FAM193A: variants seen among roughly 807,000 people sequenced by gnomAD.
FAM193A encodes family with sequence similarity 193 member A, also known as protein FAM193A.
A neutral mutation model predicts 126.5 loss-of-function variants in FAM193A; 22 were observed. The observed-to-expected ratio is 0.17, with a 90% CI of 0.12 to 0.25. FAM193A has a LOEUF of 0.25. FAM193A is among the 10% of genes least tolerant of loss of function. The pLI, the probability that FAM193A is intolerant of heterozygous loss-of-function variation, is 1.00. For missense variants in FAM193A, 1,675 were observed against 1,672.8 expected (o/e 1.00, Z -0.02); for synonymous variants, 761 against 646.8 (o/e 1.18, Z -2.68).
At chr4:2,664,108 G>A (rs1712808707) in intron 12 of FAM193A, among the ~76,000 whole-genome samples, 1 of 152,168 alleles carries the variant, frequency 6.6e-6, no homozygotes, top group African/African-American at 2.4e-5. Context: ...AGGTCTATCT[G>A]GGAAGTCTGA....
At chr4:2,710,467 C>G (rs1193675007) in intron 19 of FAM193A, among the ~76,000 whole-genome samples, 1 of 151,638 alleles carries the variant, frequency 6.6e-6, no homozygotes, top group East Asian at 1.9e-4. Context: ...GCCACTGTGC[C>G]TAGCTTACTG....
At chr4:2,566,175 G>A (rs532009547) in intron 1 of FAM193A, among the ~76,000 whole-genome samples, 16 of 152,066 alleles carry the variant, frequency 1.1e-4, no homozygotes, top group African/African-American at 3.9e-4. Context: ...AACCTGACGA[G>A]TAGCTGGGAC....
chr4:2,694,928 T>C lies in FAM193A; in HGVS notation c.3093-18T>C. 2 of 1,572,780 alleles carry C rather than the reference T, an allele frequency of 1.3e-6. No homozygotes were observed. Among genetic ancestry groups the C allele is most frequent in the African/African-American group, 2.7e-5 (2 of 73,422 alleles). On this transcript the variant is annotated intron_variant, in intron 16 of 20. Transcript: ENST00000637812. ...CCGGGCCGGCCACTTGCTGATGAGC[T>C]TGTATGCGGTTTTGCAGTGACCCTG...
At chr4:2,697,803 G>A (rs933768613) in intron 18 of FAM193A, among the ~76,000 whole-genome samples, 1 of 152,214 alleles carries the variant, frequency 6.6e-6, no homozygotes, top group African/African-American at 2.4e-5. Flanking sequence ...GACTGCTGGA[G>A]TGCAGAGAAC....
At chr4:2,675,663 T>A (rs114467146) in intron 13 of FAM193A, among the ~76,000 whole-genome samples, 32 of 152,348 alleles carry the variant, frequency 2.1e-4, no homozygotes, top group Non-Finnish European at 4.1e-4. Context: ...AACATAAAAT[T>A]TACAATCTTA....
chr4:2,641,036 G>A (rs901447052), intron 6 of FAM193A, among the ~76,000 whole-genome samples: 1 of 151,902 alleles, frequency 6.6e-6, no homozygotes, highest in African/African-American at 2.4e-5. Context: ...ACCAGTTATT[G>A]CTATTTTATT....
intron 12 of FAM193A, among the ~76,000 whole-genome samples, chr4:2,664,077 G>T (rs1326890448): frequency 6.6e-6 from 1 of 152,196 alleles, no homozygotes; most frequent in East Asian, 1.9e-4. Context: ...GTAACACTCA[G>T]ATGGTAAAGG....
intron 1 of FAM193A, among the ~76,000 whole-genome samples, chr4:2,546,909 A>G (rs1277338014): frequency 1.3e-5 from 2 of 152,126 alleles, no homozygotes; most frequent in Non-Finnish European, 2.9e-5. Context: ...CATCCTTGCT[A>G]GCACTTGAGA....
rs911328448 is a variant in FAM193A, at chr4:2,625,282, C to T, written c.522C>T (p.His174=). 1.4e-5 allele frequency: 10 copies of T among 702,794 alleles called. No homozygotes were observed. The highest frequency in any genetic ancestry group is 2.3e-5 in the Non-Finnish European group (9 of 384,828). 43.5% of individuals were successfully genotyped at this position (702,794 alleles called of 1,614,324 possible). A position where few individuals can be genotyped will look rare whatever the true frequency, so the allele number is the denominator to read the frequency against. The change falls in exon 3 of 21, where the codon CAC becomes CAT. Residue 174 remains histidine, a synonymous_variant. Transcript: ENST00000637812. ...DQPVSQDFLL[H]SSLGGSQPEA... is the part of the protein sequence containing the mutation. ...AACAGAGCCAAGATTTTCTTCTTCACTCCTCGCTTGGTGGCTCCCAGCCAG... is the reference window on the plus strand; with the variant it reads ...AACAGAGCCAAGATTTTCTTCTTCATTCCTCGCTTGGTGGCTCCCAGCCAG...
chr4:2,704,573 AT>A (rs758718192), intron 19 of FAM193A, among the ~76,000 whole-genome samples: 7 of 152,248 alleles, frequency 4.6e-5, no homozygotes, highest in African/African-American at 1.4e-4. Flanking sequence ...TGAAAAAAAA[AT>A]AAAATAAAAA....
chr4:2,592,122 G>C (rs1740601334), intron 1 of FAM193A, among the ~76,000 whole-genome samples: 1 of 151,574 alleles, frequency 6.6e-6, no homozygotes, highest in South Asian at 2.1e-4. Flanking sequence ...ATGGAGTATT[G>C]CTCTGTTTGC....
At chr4:2,563,538 A>G (rs973209205) in intron 1 of FAM193A, among the ~76,000 whole-genome samples, 9 of 151,760 alleles carry the variant, frequency 5.9e-5, no homozygotes, top group Non-Finnish European at 8.8e-5. Context: ...AAAAAAACAA[A>G]AAAAAAAACC....
chr4:2,725,763 G>A (rs1720674998), intron 20 of FAM193A, among the ~76,000 whole-genome samples: 1 of 151,434 alleles, frequency 6.6e-6, no homozygotes, highest in Non-Finnish European at 1.5e-5. Context: ...CCAGGCCGGA[G>A]TGCAGTGGTA....
intron 1 of FAM193A, among the ~76,000 whole-genome samples, chr4:2,588,723 T>C (rs1740367316): frequency 6.6e-6 from 1 of 152,218 alleles, no homozygotes; most frequent in South Asian, 2.1e-4. Flanking sequence ...TTTTTCTCTC[T>C]GGTCATTTCT....
intron 1 of FAM193A, among the ~76,000 whole-genome samples, chr4:2,554,888 C>T (rs1738163836): frequency 6.6e-6 from 1 of 152,232 alleles, no homozygotes; most frequent in Non-Finnish European, 1.5e-5. Flanking sequence ...AATATAGCCT[C>T]TCCAGCTTTC....
At chr4:2,689,095 A>C (rs1356118133) in intron 13 of FAM193A, among the ~76,000 whole-genome samples, 1 of 152,232 alleles carries the variant, frequency 6.6e-6, no homozygotes, top group African/African-American at 2.4e-5. Flanking sequence ...GGTCAGTGTA[A>C]GGGTTTTATC....
chr4:2,639,062 T>C (rs375737686), intron 5 of FAM193A, among the ~76,000 whole-genome samples: 3 of 152,232 alleles, frequency 2.0e-5, no homozygotes, highest in Admixed American at 6.5e-5. Flanking sequence ...GCAAGACTTA[T>C]TAAATGTGAA....
intron 1 of FAM193A, among the ~76,000 whole-genome samples, chr4:2,551,301 T>C (rs1052765121): frequency 2.4e-4 from 37 of 152,212 alleles, no homozygotes; most frequent in Non-Finnish European, 2.8e-4. Flanking sequence ...ATATTTGCAT[T>C]ATGCTGATTT....
chr4:2,627,558 G>T (rs1351298508), intron 4 of FAM193A, among the ~76,000 whole-genome samples: 2 of 143,938 alleles, frequency 1.4e-5, no homozygotes. Context: ...CATTTTGAAT[G>T]CAGCACATTT....
Sources: allele counts gnomAD v4.1 joint callset (sites outside exome capture counted in the v4.1 genomes callset), GRCh38; gene constraint gnomAD v4.1.1; transcripts MANE v1.5; gene names NCBI Gene and HGNC (gene_info 2026-07-23, HGNC 2026-07-21).